The following SPG21 variants were observed in gnomAD, a reference collection of about 807,000 sequenced individuals.
SPG21 encodes SPG21 abhydrolase domain containing, maspardin, also known as maspardin.
Under a neutral mutation model 38.9 loss-of-function variants are expected in SPG21, and 26 were observed. The observed-to-expected ratio is 0.67, with a 90% CI of 0.49 to 0.93. The LOEUF (loss-of-function observed/expected upper bound fraction) is 0.93, where lower values mean the gene tolerates loss of function less well. Ranked by LOEUF, SPG21 falls within the 40% of genes least tolerant of loss-of-function variation. The pLI is 0.00. For missense variants in SPG21, 333 were observed against 376.5 expected (o/e 0.88, Z 0.96); for synonymous variants, 136 against 128.9 (o/e 1.05, Z -0.37).
At chr15:64,964,914 G>A (rs952359749) in intron 8 of SPG21, among the ~76,000 whole-genome samples, 1 of 152,178 alleles carries the variant, frequency 6.6e-6, no homozygotes, top group Non-Finnish European at 1.5e-5. Flanking sequence ...ACAGGCATGA[G>A]CCACTACGCC....
At chr15:64,970,687 A>T (rs1215315105) in intron 5 of SPG21, among the ~76,000 whole-genome samples, 1 of 152,218 alleles carries the variant, frequency 6.6e-6, no homozygotes, top group Non-Finnish European at 1.5e-5. Context: ...ATTAGATTCA[A>T]CTTGGCTAAT....
intron 7 of SPG21, among the ~76,000 whole-genome samples, chr15:64,967,511 A>G (rs1297399858): frequency 6.8e-6 from 1 of 147,904 alleles, no homozygotes; most frequent in Non-Finnish European, 1.5e-5. Flanking sequence ...GTCTCACTCT[A>G]TTGGCAGGCT....
intron 5 of SPG21, among the ~76,000 whole-genome samples, chr15:64,971,566 G>A (rs1200714044): frequency 1.3e-5 from 2 of 150,768 alleles, no homozygotes; most frequent in Non-Finnish European, 3.0e-5. Flanking sequence ...TGAGCCAGGC[G>A]CAATGGCTCA....
At chr15:64,971,709 G>A (rs573840104) in intron 5 of SPG21, among the ~76,000 whole-genome samples, 3 of 152,120 alleles carry the variant, frequency 2.0e-5, no homozygotes, top group East Asian at 1.9e-4. Flanking sequence ...GGTGGCCAGC[G>A]CCTGTAATCC....
intron 7 of SPG21, among the ~76,000 whole-genome samples, chr15:64,966,896 C>T (rs1325936426): frequency 3.3e-5 from 2 of 60,034 alleles, no homozygotes; most frequent in Admixed American, 4.5e-4. Context: ...GAGACTTTGT[C>T]TCAAAAAAAC....
chr15:64,973,458 G>T (rs1004112535), intron 5 of SPG21, among the ~76,000 whole-genome samples: 7 of 149,060 alleles, frequency 4.7e-5, no homozygotes, highest in Admixed American at 4.7e-4. Flanking sequence ...TTTTTGGTTT[G>T]TTTTTTTTTT....
At chr15:64,987,859 G>GC (rs979801635) in intron 1 of SPG21, among the ~76,000 whole-genome samples, 61 of 152,198 alleles carry the variant, frequency 4.0e-4, no homozygotes, top group African/African-American at 1.0e-3. Context: ...ACATGGTGCA[G>GC]CCCCGTCTCT....
intron 4 of SPG21, 33 bp downstream of exon 4, chr15:64,976,442 T>A: frequency 1.6e-5 from 23 of 1,435,196 alleles, no homozygotes; most frequent in Middle Eastern, 1.8e-4. Flanking sequence ...AAAAAAAAAA[T>A]TGTATGTATG....
chr15:64,983,181 C>A (rs1275998298), intron 2 of SPG21: 1 of 261,408 alleles, frequency 3.8e-6, no homozygotes, highest in Admixed American at 3.9e-5. Context: ...TCTCTTGAAC[C>A]TGGGAAGCAG....
At chr15:64,977,984 G>A (rs1326906075) in intron 3 of SPG21, among the ~76,000 whole-genome samples, 3 of 151,778 alleles carry the variant, frequency 2.0e-5, no homozygotes, top group Non-Finnish European at 4.4e-5. Flanking sequence ...CACCACACCC[G>A]ACTAATTTTT....
intron 5 of SPG21, among the ~76,000 whole-genome samples, chr15:64,973,598 T>A (rs2085715258): frequency 6.6e-6 from 1 of 152,124 alleles, no homozygotes; most frequent in Admixed American, 6.5e-5. Flanking sequence ...ATTATAGGCA[T>A]GTGCCACCTT....
chr15:64,969,778 C>CA (rs992523022), intron 6 of SPG21, among the ~76,000 whole-genome samples: 11 of 150,548 alleles, frequency 7.3e-5, no homozygotes, highest in Admixed American at 1.3e-4. Context: ...TGCAAGCCAA[C>CA]AGACCTGGTT....
intron 7 of SPG21, among the ~76,000 whole-genome samples, chr15:64,969,017 C>T (rs2085606262): frequency 6.6e-6 from 1 of 152,158 alleles, no homozygotes. Context: ...GCTGGGATTA[C>T]AGGCATAAGC....
intron 4 of SPG21, among the ~76,000 whole-genome samples, chr15:64,975,467 G>A (rs1261465642): frequency 6.7e-6 from 1 of 150,374 alleles, no homozygotes; most frequent in African/African-American, 2.4e-5. Context: ...GGTTGAGGCT[G>A]CAGTGAGCCA....
chr15:64,974,695 T>A lies in SPG21; in HGVS notation c.359A>T (p.Glu120Val), dbSNP rs754509113. 2.5e-6 allele frequency: 4 copies of A among 1,614,156 alleles called. No homozygotes were observed. In the South Asian group the frequency reaches 4.4e-5, roughly 18 times the overall value. Residue 120 changes from glutamate (E) to valine (V), a missense_variant, in exon 5 of 9, where the codon GAA becomes GTA. By Grantham distance (121) the Glu-to-Val change is moderately radical. Coordinates refer to ENST00000204566, the MANE Select transcript of SPG21 (RefSeq NM_016630.7). ...LGGFLAQKFA[E>V]YTHKSPRVHS... ...GACTCTAGGAGATTTGTGAGTGTAT[T>A]CAGCAAATTTCTGGGCCAAAAAGCC...
intron 8 of SPG21, among the ~76,000 whole-genome samples, chr15:64,964,368 G>A (rs539595695): frequency 5.3e-5 from 8 of 152,242 alleles, no homozygotes; most frequent in African/African-American, 1.9e-4. Flanking sequence ...TTCTGCTACT[G>A]TGACTAGTGC....
At chr15:64,975,077 C>G (rs1200500604) in intron 4 of SPG21, among the ~76,000 whole-genome samples, 1 of 151,990 alleles carries the variant, frequency 6.6e-6, no homozygotes, top group Non-Finnish European at 1.5e-5. Flanking sequence ...ATCACGAGGT[C>G]AGGAGTTCGA....
Position 64,974,862 on chromosome 15 carries a change from G to A in SPG21, c.307-115C>T, listed in dbSNP as rs58374477. The A allele has an allele frequency of 0.014, 15,753 of 1,160,032 alleles. 273 individuals carry two copies. The highest frequency in any genetic ancestry group is 0.061 in the African/African-American group (3,936 of 64,684). The allele number at this position is 1,160,032 out of a possible 1,614,324, so 71.9% of individuals were successfully genotyped here. On this transcript the variant is annotated intron_variant, in intron 4 of 8. Coordinates refer to ENST00000204566, the MANE Select transcript of SPG21 (RefSeq NM_016630.7). ...CAGAATATGTTATCACTAGCCAATAGACTAAAATATTTACAGCAGCTAGAA... is the reference window on the plus strand; with the variant it reads ...CAGAATATGTTATCACTAGCCAATAAACTAAAATATTTACAGCAGCTAGAA...
chr15:64,963,827 G>A, intron 8 of SPG21, 91 bp from the exon 9 acceptor site: 1 of 1,191,218 alleles, frequency 8.4e-7, no homozygotes, highest in Non-Finnish European at 1.2e-6. Context: ...CACTATCTTG[G>A]TTCACTCCAA....
Sources: allele counts gnomAD v4.1 joint callset (sites outside exome capture counted in the v4.1 genomes callset), GRCh38; gene constraint gnomAD v4.1.1; transcripts MANE v1.5; gene names NCBI Gene and HGNC (gene_info 2026-07-23, HGNC 2026-07-21).